DLGAP2: variants seen among roughly 807,000 people sequenced by gnomAD.
The protein encoded by DLGAP2 is DLG associated protein 2.
DLGAP2 carries 26 observed loss-of-function variants against 100.3 expected under a neutral mutation model. That is an observed-to-expected ratio of 0.26 (90% CI 0.19 to 0.36). DLGAP2 has a LOEUF of 0.36. DLGAP2 is among the 10% of genes least tolerant of loss of function. The pLI is 1.00. For synonymous variants in DLGAP2, 886 were observed against 630.1 expected (o/e 1.41, Z -6.08); for missense variants, 1,858 against 1,453.2 (o/e 1.28, Z -4.53).
intron 1 of DLGAP2, among the ~76,000 whole-genome samples, chr8:834,243 C>T (rs1796832340): frequency 6.6e-6 from 1 of 152,198 alleles, no homozygotes; most frequent in Admixed American, 6.5e-5. Context: ...CTTTTGTGAC[C>T]CCATACGCCC....
At chr8:1,595,535 C>T (rs970838138) in intron 6 of DLGAP2, among the ~76,000 whole-genome samples, 134 of 151,156 alleles carry the variant, frequency 8.9e-4, no homozygotes, top group African/African-American at 2.8e-3. Context: ...GGCACGGTGG[C>T]GGGCGCCTGT....
At chr8:1,103,031 G>T (rs1309769996) in intron 2 of DLGAP2, among the ~76,000 whole-genome samples, 1 of 151,742 alleles carries the variant, frequency 6.6e-6, no homozygotes, top group Non-Finnish European at 1.5e-5. Context: ...AGTCTCTGTG[G>T]TTCCCTATGA....
intron 2 of DLGAP2, among the ~76,000 whole-genome samples, chr8:1,045,564 C>T (rs1802491317): frequency 6.6e-6 from 1 of 152,206 alleles, no homozygotes; most frequent in Admixed American, 6.5e-5. Flanking sequence ...ACTGCAGTCT[C>T]CATGCTGGGC....
chr8:1,362,551 G>A (rs1220716354), intron 3 of DLGAP2, among the ~76,000 whole-genome samples: 1 of 152,050 alleles, frequency 6.6e-6, no homozygotes, highest in Non-Finnish European at 1.5e-5. Flanking sequence ...ACTAACCATG[G>A]TCTAGCCCTG....
intron 2 of DLGAP2, among the ~76,000 whole-genome samples, chr8:1,118,130 G>T (rs1795939433): frequency 1.3e-5 from 2 of 152,168 alleles, no homozygotes; most frequent in Non-Finnish European, 2.9e-5. Flanking sequence ...CGGGCGGAGT[G>T]GGGAAATTAA....
intron 3 of DLGAP2, among the ~76,000 whole-genome samples, chr8:1,335,562 C>T (rs923305313): frequency 3.3e-5 from 5 of 151,938 alleles, no homozygotes; most frequent in African/African-American, 4.8e-5. Context: ...AGGAGGAGGG[C>T]GATTGTTGGT....
At chr8:912,117 T>C (rs1351320262) in intron 2 of DLGAP2, among the ~76,000 whole-genome samples, 1 of 152,190 alleles carries the variant, frequency 6.6e-6, no homozygotes, top group East Asian at 1.9e-4. Flanking sequence ...CCACGAATAA[T>C]TAGAAGTTTC....
intron 8 of DLGAP2, among the ~76,000 whole-genome samples, chr8:1,658,116 G>T (rs1203477228): frequency 6.6e-6 from 1 of 152,076 alleles, no homozygotes. Flanking sequence ...TTCGCAAAAA[G>T]ACTGGCCCTC....
At chr8:1,139,892 G>T (rs113636891) in intron 2 of DLGAP2, among the ~76,000 whole-genome samples, 3 of 152,196 alleles carry the variant, frequency 2.0e-5, no homozygotes, top group East Asian at 3.9e-4. Flanking sequence ...GAGGGAAATC[G>T]GGGGGAAGTG....
At chr8:1,586,792 T>C (rs3991915) in intron 6 of DLGAP2, among the ~76,000 whole-genome samples, 85,094 of 151,960 alleles carry the variant, frequency 0.56, 24,758 homozygotes, top group African/African-American at 0.73. Flanking sequence ...CAGAGTGTTG[T>C]AAAGAAAATA....
At chr8:813,917 T>TA (rs1796417017) in intron 1 of DLGAP2, among the ~76,000 whole-genome samples, 1 of 152,076 alleles carries the variant, frequency 6.6e-6, no homozygotes, top group South Asian at 2.1e-4. Context: ...ACTCAGCGTG[T>TA]AGTGATGAGG....
chr8:1,578,175 A>T (rs1007195273), intron 6 of DLGAP2, among the ~76,000 whole-genome samples: 1 of 152,216 alleles, frequency 6.6e-6, no homozygotes, highest in Non-Finnish European at 1.5e-5. Flanking sequence ...TTACGTTTCC[A>T]AGTGATTCAA....
intron 3 of DLGAP2, among the ~76,000 whole-genome samples, chr8:1,408,491 G>A (rs1796639161): frequency 6.6e-6 from 1 of 152,228 alleles, no homozygotes; most frequent in Non-Finnish European, 1.5e-5. Context: ...TGGCCCTGCA[G>A]AGGGACCTTC....
At position 862,000 on chromosome 8, in the gene DLGAP2, C is replaced by A. The variant is rs1463103652; in HGVS notation, c.19-45912C>A. ...ATTCTCATCCCACCAACTGTTTAGA[C>A]TAAATTTCTTTTGAAAGAAATTCCA... On this transcript the variant is annotated intron_variant, in intron 1 of 14. Transcript: ENST00000637795. Among the ~76,000 whole-genome samples, 4 of 152,344 alleles carry A rather than the reference C, an allele frequency of 2.6e-5. No individual in the cohort carries two copies. The East Asian group carries it at 5.8e-4, about 22-fold the overall frequency.
At chr8:1,295,853 C>T (rs898454086) in intron 3 of DLGAP2, among the ~76,000 whole-genome samples, 4 of 152,158 alleles carry the variant, frequency 2.6e-5, no homozygotes, top group Non-Finnish European at 4.4e-5. Flanking sequence ...TACACACCTT[C>T]TCATGGCACC....
At chr8:1,302,549 A>G (rs73670719) in intron 3 of DLGAP2, 2,190 of 137,076 alleles carry the variant, frequency 0.016, 58 homozygotes, top group African/African-American at 0.056. Context: ...GACTGGACTC[A>G]GTATTTTATG....
chr8:1,227,153 G>GATATATAGATATATATATATATATAT (rs1798434761), intron 2 of DLGAP2, among the ~76,000 whole-genome samples: 1 of 89,750 alleles, frequency 1.1e-5, no homozygotes, highest in African/African-American at 6.5e-5. Flanking sequence ...GAAACTGTGA[G>GATATATAGATATATATATATATATAT]ATATATATAT....
chr8:1,036,861 T>C (rs1802140494), intron 2 of DLGAP2, among the ~76,000 whole-genome samples: 3 of 152,200 alleles, frequency 2.0e-5, no homozygotes, highest in Admixed American at 2.0e-4. Context: ...GATGCCCTGC[T>C]CTTGATTTTA....
chr8:1,125,257 A>T (rs1263531694), intron 2 of DLGAP2, among the ~76,000 whole-genome samples: 1 of 152,202 alleles, frequency 6.6e-6, no homozygotes, highest in Non-Finnish European at 1.5e-5. Context: ...AAGATATTTC[A>T]TTGTCATTGT....
Sources: gnomAD v4.1 joint callset for allele counts (sites outside exome capture counted in the v4.1 genomes callset) on GRCh38, gnomAD v4.1.1 for gene constraint, MANE v1.5 for transcripts, NCBI Gene and HGNC (gene_info 2026-07-23, HGNC 2026-07-21) for gene names.